MACROD2: variants seen among roughly 807,000 people sequenced by gnomAD.
MACROD2 encodes the protein mono-ADP ribosylhydrolase 2.
Under a neutral mutation model 70.4 loss-of-function variants are expected in MACROD2, and 36 were observed. The ratio of observed to expected loss-of-function variants is 0.51; its 90% CI spans 0.39 to 0.68. The LOEUF (loss-of-function observed/expected upper bound fraction) is 0.68. Ranked by LOEUF, MACROD2 falls within the 30% of genes least tolerant of loss-of-function variation. MACROD2 has a pLI of 0.00. For synonymous variants in MACROD2, 172 were observed against 178.8 expected (o/e 0.96, Z 0.30); for missense variants, 496 against 538.4 (o/e 0.92, Z 0.78).
chr20:14,087,337 A>C (rs192070355), intron 3 of MACROD2, among the ~76,000 whole-genome samples: 185 of 151,940 alleles, frequency 1.2e-3, no homozygotes, highest in African/African-American at 4.0e-3. Flanking sequence ...TGGAGGTTGC[A>C]GTGAGCAGAG....
intron 8 of MACROD2, among the ~76,000 whole-genome samples, chr20:15,583,200 C>T (rs898966973): frequency 1.3e-5 from 2 of 152,222 alleles, no homozygotes; most frequent in Non-Finnish European, 2.9e-5. Flanking sequence ...GCCTGTGCAC[C>T]TTGCCTACCT....
chr20:16,011,616 G>A (rs1261593677), intron 15 of MACROD2, among the ~76,000 whole-genome samples: 2 of 147,998 alleles, frequency 1.4e-5, no homozygotes, highest in African/African-American at 5.0e-5. Context: ...ATCAGCCCCA[G>A]CTCAAGCGCA....
intron 3 of MACROD2, among the ~76,000 whole-genome samples, chr20:14,277,013 C>T (rs915501551): frequency 6.6e-6 from 1 of 152,166 alleles, no homozygotes; most frequent in African/African-American, 2.4e-5. Context: ...TTTACATACA[C>T]GTGTCAGAAG....
At chr20:14,685,469 T>A (rs1414352281) in intron 5 of MACROD2, among the ~76,000 whole-genome samples, 1 of 152,198 alleles carries the variant, frequency 6.6e-6, no homozygotes, top group Non-Finnish European at 1.5e-5. Context: ...GCCAACGAAA[T>A]CTGGTTGTCA....
intron 3 of MACROD2, among the ~76,000 whole-genome samples, chr20:14,130,921 GTTTTTTTTGT>G (rs1320466708): frequency 1.7e-4 from 20 of 118,476 alleles, no homozygotes; most frequent in African/African-American, 7.5e-4. Context: ...AAATAATTGT[GTTTTTTTTGT>G]TTTTTTTTTT....
At chr20:15,645,033 C>G (rs539039615) in intron 8 of MACROD2, among the ~76,000 whole-genome samples, 1 of 152,294 alleles carries the variant, frequency 6.6e-6, no homozygotes, top group South Asian at 2.1e-4. Context: ...CTCCAAAGTT[C>G]ACCTTACAAG....
At chr20:15,681,413 T>A (rs1450545592) in intron 8 of MACROD2, among the ~76,000 whole-genome samples, 1 of 152,202 alleles carries the variant, frequency 6.6e-6, no homozygotes, top group Non-Finnish European at 1.5e-5. Context: ...ATCACCCCCA[T>A]CCTGCTGAAG....
intron 7 of MACROD2, among the ~76,000 whole-genome samples, chr20:15,486,341 T>A (rs985460516): frequency 1.3e-5 from 2 of 152,216 alleles, no homozygotes; most frequent in Non-Finnish European, 2.9e-5. Flanking sequence ...AGCATTCCTG[T>A]ACCTTTAGGC....
At chr20:15,068,772 A>T (rs1482750883) in intron 5 of MACROD2, among the ~76,000 whole-genome samples, 1 of 152,168 alleles carries the variant, frequency 6.6e-6, no homozygotes, top group Non-Finnish European at 1.5e-5. Flanking sequence ...ACCCAGCCTT[A>T]GGCATTCCTT....
chr20:14,440,467 C>T (rs758297808), intron 3 of MACROD2, among the ~76,000 whole-genome samples: 1 of 152,038 alleles, frequency 6.6e-6, no homozygotes, highest in Non-Finnish European at 1.5e-5. Flanking sequence ...GTTTGGACAT[C>T]CCTGAAGAAC....
rs71190120 is a variant in MACROD2 at position 14,230,669 on chromosome 20, CTATATATATA to C, written c.271+144963_271+144972del. ...TATATATATATAACACAGGCTGGGCCTATATATATATATATATATATATATATATATGGGC... is the reference window on the plus strand; with the variant it reads ...TATATATATATAACACAGGCTGGGCCTATATATATATATATATATATGGGC... On this transcript the variant is annotated intron_variant, in intron 3 of 17. Transcript: ENST00000684519. Among the ~76,000 whole-genome samples the C allele has an allele frequency of 1.8e-4, 17 of 92,910 alleles. 1 individual carries two copies. Among genetic ancestry groups the C allele is most frequent in the East Asian group, 4.5e-4 (1 of 2,222 alleles). 61.0% of individuals were successfully genotyped at this position (92,910 alleles called of 152,430 possible). A position where few individuals can be genotyped will look rare whatever the true frequency, so the allele number is the denominator to read the frequency against.
At chr20:14,401,717 T>A (rs767834973) in intron 3 of MACROD2, among the ~76,000 whole-genome samples, 4 of 152,166 alleles carry the variant, frequency 2.6e-5, no homozygotes, top group African/African-American at 4.8e-5. Context: ...TCATGGTGGT[T>A]TTGTTGGTTC....
intron 8 of MACROD2, among the ~76,000 whole-genome samples, chr20:15,530,559 C>A (rs549945581): frequency 6.6e-6 from 1 of 151,718 alleles, no homozygotes; most frequent in African/African-American, 2.4e-5. Flanking sequence ...GGTGAAAACC[C>A]GTCTCTACTA....
At chr20:15,090,782 C>T (rs6110512) in intron 5 of MACROD2, among the ~76,000 whole-genome samples, 58,738 of 151,654 alleles carry the variant, frequency 0.39, 12,066 homozygotes, top group East Asian at 0.52. Flanking sequence ...TTTGGAGACA[C>T]AGAAATGTCC....
chr20:15,924,200 A>G (rs532979922), intron 10 of MACROD2, among the ~76,000 whole-genome samples: 4 of 152,384 alleles, frequency 2.6e-5, no homozygotes, highest in South Asian at 4.1e-4. Context: ...TTAAAGGAAG[A>G]AAGTGGTAGA....
intron 3 of MACROD2, among the ~76,000 whole-genome samples, chr20:14,383,903 A>G (rs1568587581): frequency 6.6e-6 from 1 of 152,100 alleles, no homozygotes; most frequent in Non-Finnish European, 1.5e-5. Context: ...TTTATGTGGT[A>G]TTTCCATTAA....
chr20:14,186,478 A>C (rs2081345132), intron 3 of MACROD2, among the ~76,000 whole-genome samples: 1 of 152,212 alleles, frequency 6.6e-6, no homozygotes, highest in African/African-American at 2.4e-5. Flanking sequence ...TGCAGAGAAG[A>C]GGGAACACTT....
chr20:14,647,274 T>C (rs1282494490), intron 4 of MACROD2, among the ~76,000 whole-genome samples: 1 of 152,142 alleles, frequency 6.6e-6, no homozygotes, highest in Non-Finnish European at 1.5e-5. Context: ...CTCAAGGATT[T>C]AGACGAAGCT....
At chr20:14,820,357 CTTTT>C (rs11475238) in intron 5 of MACROD2, among the ~76,000 whole-genome samples, 60 of 116,130 alleles carry the variant, frequency 5.2e-4, no homozygotes, top group African/African-American at 1.9e-3. Context: ...ATTTTTCTTC[CTTTT>C]TTTTTTTTTT....
Sources: allele counts gnomAD v4.1 joint callset (sites outside exome capture counted in the v4.1 genomes callset), GRCh38; gene constraint gnomAD v4.1.1; transcripts MANE v1.5; gene names NCBI Gene and HGNC (gene_info 2026-07-23, HGNC 2026-07-21).